Variants in BTBD9 observed in about 807,000 individuals in gnomAD.
BTBD9 encodes BTB/POZ domain-containing protein 9.
In BTBD9, 49 loss-of-function variants were observed where a neutral mutation model predicts 64.3. The observed-to-expected ratio is 0.76, with a 90% CI of 0.61 to 0.97. The LOEUF is 0.97. BTBD9 is among the 50% of genes least tolerant of loss of function. BTBD9 has a pLI of 0.00. For synonymous variants in BTBD9, 260 were observed against 274.7 expected (o/e 0.95, Z 0.53); for missense variants, 598 against 762.1 (o/e 0.78, Z 2.53).
intron 1 of BTBD9, among the ~76,000 whole-genome samples, chr6:38,598,858 TG>T (rs1251092473): frequency 6.6e-6 from 1 of 152,006 alleles, no homozygotes; most frequent in Non-Finnish European, 1.5e-5. Flanking sequence ...CGGAGGTTGC[TG>T]TGAGTCGAGA....
intron 6 of BTBD9, among the ~76,000 whole-genome samples, chr6:38,572,949 C>T (rs1050071956): frequency 1.3e-4 from 19 of 151,772 alleles, no homozygotes; most frequent in Non-Finnish European, 1.5e-5. Flanking sequence ...ACCAATAAAA[C>T]ACTAAAAATG....
At chr6:38,248,734 T>C (rs1319801247) in intron 9 of BTBD9, among the ~76,000 whole-genome samples, 2 of 152,142 alleles carry the variant, frequency 1.3e-5, no homozygotes, top group Non-Finnish European at 2.9e-5. Context: ...CAGTTCGCTC[T>C]CCCTTCCCGG....
intron 8 of BTBD9, among the ~76,000 whole-genome samples, chr6:38,284,329 T>A (rs1657859135): frequency 6.6e-6 from 1 of 152,172 alleles, no homozygotes; most frequent in Non-Finnish European, 1.5e-5. Context: ...CCACTTTCAT[T>A]CCACATTTTA....
chr6:38,320,789 T>C (rs1290121357), intron 7 of BTBD9, among the ~76,000 whole-genome samples: 2 of 152,224 alleles, frequency 1.3e-5, no homozygotes, highest in Non-Finnish European at 2.9e-5. Flanking sequence ...AGCCAGATTT[T>C]TCCCCATGTG....
intron 6 of BTBD9, among the ~76,000 whole-genome samples, chr6:38,348,789 G>A (rs1764387272): frequency 6.6e-6 from 1 of 152,162 alleles, no homozygotes; most frequent in African/African-American, 2.4e-5. Context: ...TCCAAGGACA[G>A]CACTCTAAAA....
At chr6:38,465,736 T>A (rs1192315822) in intron 6 of BTBD9, among the ~76,000 whole-genome samples, 1 of 53,834 alleles carries the variant, frequency 1.9e-5, no homozygotes, top group Non-Finnish European at 3.6e-5. Flanking sequence ...TATATATATA[T>A]ATATATATAT....
At chr6:38,281,465 C>T (rs78595347) in intron 8 of BTBD9, among the ~76,000 whole-genome samples, 2,134 of 152,164 alleles carry the variant, frequency 0.014, 42 homozygotes, top group Middle Eastern at 0.017. Context: ...GATCAACTTG[C>T]TATTACTTCT....
At chr6:38,411,984 T>C (rs1171949564) in intron 6 of BTBD9, among the ~76,000 whole-genome samples, 1 of 152,028 alleles carries the variant, frequency 6.6e-6, no homozygotes, top group South Asian at 2.1e-4. Context: ...CACATACATA[T>C]ATATGTACAC....
intron 1 of BTBD9, among the ~76,000 whole-genome samples, chr6:38,603,034 C>T (rs113827869): frequency 1.8e-3 from 281 of 152,128 alleles, no homozygotes; most frequent in African/African-American, 6.4e-3. Context: ...TCAATTTGCC[C>T]CTACTGACTG....
intron 8 of BTBD9, among the ~76,000 whole-genome samples, chr6:38,285,770 G>A (rs1316838400): frequency 6.6e-6 from 1 of 152,118 alleles, no homozygotes; most frequent in Admixed American, 6.5e-5. Flanking sequence ...TACACCCCAA[G>A]CCTACTGAAA....
intron 6 of BTBD9, among the ~76,000 whole-genome samples, chr6:38,495,156 G>C (rs1312191711): frequency 6.6e-6 from 1 of 152,192 alleles, no homozygotes; most frequent in Non-Finnish European, 1.5e-5. Context: ...CTGTGGCCTT[G>C]CATCTTGTTT....
chr6:38,601,785 C>T (rs963720), intron 1 of BTBD9, among the ~76,000 whole-genome samples: 13,193 of 152,042 alleles, frequency 0.087, 696 homozygotes, highest in Middle Eastern at 0.18. Flanking sequence ...TGACTGCCCA[C>T]ATGAAAAATC....
At chr6:38,187,772 T>C (rs2127480970) in intron 10 of BTBD9, among the ~76,000 whole-genome samples, 2 of 152,222 alleles carry the variant, frequency 1.3e-5, no homozygotes, top group Middle Eastern at 6.8e-3. Context: ...ACAGAAGTCA[T>C]AAACATAGCT....
At chr6:38,284,655 A>T (rs1359109280) in intron 8 of BTBD9, among the ~76,000 whole-genome samples, 1 of 152,206 alleles carries the variant, frequency 6.6e-6, no homozygotes, top group Non-Finnish European at 1.5e-5. Flanking sequence ...TTTATGTATC[A>T]GGTATGGCTG....
chr6:38,244,453 C>A (rs1468922483), intron 9 of BTBD9, among the ~76,000 whole-genome samples: 1 of 152,020 alleles, frequency 6.6e-6, no homozygotes, highest in Non-Finnish European at 1.5e-5. Context: ...AGTTTAGAGT[C>A]CCTCTTCAGA....
rs375148115 is a variant in BTBD9 at position 38,598,694 on chromosome 6, G to T, written c.-27-573C>A. 3.9e-4 allele frequency among the ~76,000 whole-genome samples: 59 copies of T among 152,074 alleles called. 1 individual carries two copies. The highest frequency in any genetic ancestry group is 1.3e-3 in the African/African-American group (53 of 41,512). On this transcript the variant is annotated intron_variant, in intron 1 of 10. Coordinates refer to ENST00000481247, the MANE Select transcript of BTBD9 (RefSeq NM_001099272.2). Reference sequence around the variant, plus strand: ...GCACTTTGGGAGGCTGAGGTGGGTCGATCACCTCAGGTTGGGAGTTCAAGA... The same window carrying T: ...GCACTTTGGGAGGCTGAGGTGGGTCTATCACCTCAGGTTGGGAGTTCAAGA...
chr6:38,493,729 G>C (rs888678622), intron 6 of BTBD9, among the ~76,000 whole-genome samples: 1 of 152,204 alleles, frequency 6.6e-6, no homozygotes, highest in Non-Finnish European at 1.5e-5. Context: ...TGTGGGGATG[G>C]AGCTAGCTGT....
chr6:38,418,142 T>C (rs1481598561), intron 6 of BTBD9, among the ~76,000 whole-genome samples: 6 of 152,084 alleles, frequency 3.9e-5, no homozygotes, highest in Non-Finnish European at 7.4e-5. Context: ...AAGGGAAAAA[T>C]ATAAAGGATC....
At chr6:38,344,149 T>C (rs918100557) in intron 7 of BTBD9, among the ~76,000 whole-genome samples, 1 of 152,094 alleles carries the variant, frequency 6.6e-6, no homozygotes, top group African/African-American at 2.4e-5. Context: ...AAGGAGCTAA[T>C]TGATCTAAGC....
Sources: gnomAD v4.1 joint callset for allele counts (sites outside exome capture counted in the v4.1 genomes callset) on GRCh38, gnomAD v4.1.1 for gene constraint, MANE v1.5 for transcripts, NCBI Gene and HGNC (gene_info 2026-07-23, HGNC 2026-07-21) for gene names.